Variants in LAP3 observed in about 807,000 individuals in gnomAD.
LAP3 encodes the protein cytosol aminopeptidase.
LAP3 carries 46 observed loss-of-function variants against 58.8 expected under a neutral mutation model. That is an observed-to-expected ratio of 0.78 (90% CI 0.62 to 1.00). The LOEUF (loss-of-function observed/expected upper bound fraction) is 1.00, where lower values mean the gene tolerates loss of function less well. LAP3 is among the 50% of genes least tolerant of loss of function. The pLI is 0.00. For missense variants in LAP3, 615 were observed against 659.1 expected, an observed-to-expected ratio of 0.93 and a Z score of 0.73; for synonymous variants, 257 against 237.7, an observed-to-expected ratio of 1.08 and a Z score of -0.75.
At chr4:17,581,737 A>G (rs754632119) in intron 2 of LAP3, 23 bp from the exon 3 acceptor site, 2 of 1,608,320 alleles carry the variant, frequency 1.2e-6, no homozygotes, top group African/African-American at 2.7e-5. Flanking sequence ...TTGTTTTAAA[A>G]CGACTATTTC....
intron 2 of LAP3, 65 bp downstream of exon 2, chr4:17,580,004 C>G: frequency 1.1e-6 from 1 of 943,358 alleles, no homozygotes; most frequent in Non-Finnish European, 1.6e-6. Context: ...TTTTTTCTTT[C>G]TTTTCTTTTT....
intron 12 of LAP3, 76 bp downstream of exon 12, chr4:17,607,014 C>T (rs1714158760): frequency 1.1e-6 from 1 of 908,658 alleles, no homozygotes; most frequent in Non-Finnish European, 1.7e-6. Context: ...ATTTTATCCC[C>T]TTATATAAAA....
intron 10 of LAP3, among the ~76,000 whole-genome samples, chr4:17,604,170 G>A (rs2109024511): frequency 6.6e-6 from 1 of 151,730 alleles, no homozygotes; most frequent in Admixed American, 6.6e-5. Flanking sequence ...TACTCAGGAG[G>A]CTGAGGCGGA....
intron 2 of LAP3, among the ~76,000 whole-genome samples, chr4:17,580,777 T>G (rs1713342815): frequency 6.6e-6 from 1 of 152,146 alleles, no homozygotes. Flanking sequence ...AAAGTCTCCA[T>G]GGGGCTGGAG....
chr4:17,586,976 C>T (rs1713532048), intron 6 of LAP3, among the ~76,000 whole-genome samples: 2 of 152,070 alleles, frequency 1.3e-5, no homozygotes, highest in South Asian at 2.1e-4. Flanking sequence ...AGTGGTGGTG[C>T]GTGCCTGTGA....
In LAP3 at chr4:17,588,872, A is replaced by G. The variant is rs778117087; in HGVS notation, c.758A>G (p.Lys253Arg). ...QAMGSFLSVA[K>R]GSDEPPVFLE... ...ATGGGATCATTCCTCAGTGTGGCCA[A>G]AGGATCTGACGAGCCCCCAGTCTTC... Residue 253 changes from lysine (K) to arginine (R), a missense_variant, in exon 7 of 13, where the codon AAA becomes AGA. Physicochemically the swap from Lys to Arg is conservative, Grantham distance 26. Transcript: ENST00000226299. 1 of 1,614,168 alleles carries G rather than the reference A, an allele frequency of 6.2e-7. No individual in the cohort carries two copies. Among genetic ancestry groups the G allele is most frequent in the Admixed American group, 1.7e-5 (1 of 60,016 alleles).
At chr4:17,583,315 AC>A (rs1336508617) in intron 4 of LAP3, 167 bp from the exon 5 acceptor site, 5 of 725,204 alleles carry the variant, frequency 6.9e-6, no homozygotes, top group Non-Finnish European at 1.2e-5. Flanking sequence ...AAATGCACTC[AC>A]GTCTTCATTT....
At chr4:17,577,702 C>T in intron 1 of LAP3, 135 bp downstream of exon 1, 3 of 673,038 alleles carry the variant, frequency 4.5e-6, no homozygotes, top group Non-Finnish European at 7.4e-6. Flanking sequence ...AAGAAAAATT[C>T]TCTCCTTGCG....
At chr4:17,582,475 C>A in intron 4 of LAP3, 82 bp downstream of exon 4, 1 of 1,034,186 alleles carries the variant, frequency 9.7e-7, no homozygotes, top group Non-Finnish European at 1.5e-6. Context: ...GTCCTTTTAC[C>A]AGTTGCCACC....
rs1332429845 is a variant in LAP3 at position 17,577,305 on chromosome 4, T to C, written c.-161T>C. On this transcript the variant is annotated 5_prime_UTR_variant, in exon 1 of 13. Coordinates refer to ENST00000226299, the MANE Select transcript of LAP3 (RefSeq NM_015907.3). ...TCCCAGCGGTCCAGTCGGCCGGTGC[T>C]GCCCATCCGTCCCGCCCCCTAGACG... The C allele has an allele frequency of 3.3e-5, 13 of 388,680 alleles. No individual in the cohort carries two copies. The highest frequency in any genetic ancestry group is 7.1e-5 in the Admixed American group (1 of 14,100). 24.1% of individuals were successfully genotyped at this position (388,680 alleles called of 1,614,324 possible).
chr4:17,605,118 CCACACACACACACACA>C (rs10609509), intron 11 of LAP3, among the ~76,000 whole-genome samples: 36 of 147,034 alleles, frequency 2.4e-4, no homozygotes, highest in Middle Eastern at 7.0e-3. Context: ...ACCCTCACTT[CCACACACACACACACA>C]CACACACACA....
intron 1 of LAP3, among the ~76,000 whole-genome samples, chr4:17,577,795 T>C: frequency 6.6e-6 from 1 of 152,236 alleles, no homozygotes; most frequent in East Asian, 1.9e-4. Context: ...GTGATGGTTG[T>C]AGCCGCCCTT....
intron 6 of LAP3, chr4:17,587,429 GTTTTTTTT>G (rs10585004): frequency 6.9e-6 from 1 of 144,504 alleles, no homozygotes; most frequent in Admixed American, 6.8e-5. Context: ...TGTTGTTGTT[GTTTTTTTT>G]TTTTTTTTGA....
intron 6 of LAP3, among the ~76,000 whole-genome samples, chr4:17,586,629 G>A (rs111418369): frequency 8.5e-5 from 13 of 152,082 alleles, no homozygotes; most frequent in African/African-American, 2.9e-4. Context: ...ATTTGCAGAG[G>A]GTACTGCAGG....
intron 11 of LAP3, among the ~76,000 whole-genome samples, chr4:17,606,542 G>T (rs1264631314): frequency 6.6e-6 from 1 of 152,114 alleles, no homozygotes; most frequent in East Asian, 1.9e-4. Context: ...GTTTCACCAT[G>T]TTGGCCAGGA....
In LAP3 at chr4:17,604,636, A is replaced by G. The variant is rs1714074562; in HGVS notation, c.1229A>G (p.Asn410Ser). Residue 410 changes from asparagine to serine, a missense_variant, in exon 11 of 13, where the codon AAT becomes AGT. Coordinates refer to ENST00000226299, the MANE Select transcript of LAP3 (RefSeq NM_015907.3). ...TCAGGTGCCACTGGGGTCTTTACCA[A>G]TTCATCCTGGCTCTGGAACAAACTC... ...LGSGATGVFT[N>S]SSWLWNKLFE... is the part of the protein sequence containing the mutation. 1.2e-6 allele frequency: 2 copies of G among 1,613,794 alleles called. No individual in the cohort carries two copies. The highest frequency in any genetic ancestry group is 1.7e-6 in the Non-Finnish European group (2 of 1,179,802).
intron 2 of LAP3, among the ~76,000 whole-genome samples, chr4:17,580,682 C>T (rs941679256): frequency 1.1e-4 from 17 of 152,086 alleles, no homozygotes; most frequent in African/African-American, 4.1e-4. Context: ...AAGGGTTTTG[C>T]TCTTTTATTG....
At chr4:17,602,912 C>T (rs1714014684) in intron 10 of LAP3, among the ~76,000 whole-genome samples, 1 of 151,768 alleles carries the variant, frequency 6.6e-6, no homozygotes, top group South Asian at 2.1e-4. Flanking sequence ...GAACTCCTGA[C>T]CTCAAGTGAT....
At chr4:17,589,063 A>AT (rs35467396) in intron 7 of LAP3, 86 bp downstream of exon 7, 23,442 of 1,071,560 alleles carry the variant, frequency 0.022, 6 homozygotes, top group South Asian at 0.047. Flanking sequence ...TTTTGGTTTG[A>AT]TTTTTTTTTT....
Sources: gnomAD v4.1 joint callset for allele counts (sites outside exome capture counted in the v4.1 genomes callset) on GRCh38, gnomAD v4.1.1 for gene constraint, MANE v1.5 for transcripts, NCBI Gene and HGNC (gene_info 2026-07-23, HGNC 2026-07-21) for gene names.